The following SRPX variants were observed in gnomAD, a reference collection of about 807,000 sequenced individuals.
SRPX encodes sushi repeat containing protein X-linked.
SRPX carries 24 observed loss-of-function variants against 38.1 expected under a neutral mutation model. The ratio of observed to expected loss-of-function variants is 0.63; its 90% CI spans 0.46 to 0.89. The LOEUF (loss-of-function observed/expected upper bound fraction) is 0.89, where lower values mean the gene tolerates loss of function less well. Ranked by LOEUF, SRPX falls within the 40% of genes least tolerant of loss-of-function variation. The pLI, the probability that SRPX is intolerant of heterozygous loss-of-function variation, is 0.00. For synonymous variants in SRPX, 184 were observed against 153.8 expected, an observed-to-expected ratio of 1.20 and a Z score of -1.45; for missense variants, 416 against 377.8, an observed-to-expected ratio of 1.10 and a Z score of -0.84.
At chrX:38,188,024 G>A (rs957483485) in intron 1 of SRPX, among the ~76,000 whole-genome samples, 9 of 111,673 alleles carry the variant, frequency 8.1e-5, no homozygotes, top group African/African-American at 2.6e-4. Flanking sequence ...ACCCCAAGAT[G>A]AAGGCTCAGA....
At position 38,154,475 on chromosome X, in the gene SRPX, C is replaced by G; in HGVS notation, c.1198G>C (p.Ala400Pro). ...ACTTCCCCCTACCTGAGCTGCAGCG[C>G]TAGGGCTGGAGGCATAATCTTTGCT... ...IGAKIMPPAL[A>P]LQLRLLLRIP... Residue 400 changes from alanine to proline, a missense_variant, in exon 9 of 10, where the codon GCG (alanine) becomes CCG (proline). Transcript: ENST00000378533. 1.7e-6 allele frequency: 2 copies of G among 1,205,044 alleles called. No homozygotes were observed. The highest frequency in any genetic ancestry group is 2.2e-6 in the Non-Finnish European group (2 of 892,115).
At chrX:38,160,743 C>G (rs1226940055) in intron 6 of SRPX, among the ~76,000 whole-genome samples, 190 bp downstream of exon 6, 1 of 111,099 alleles carries the variant, frequency 9.0e-6, no homozygotes, top group Non-Finnish European at 1.9e-5. Flanking sequence ...AACACTGACG[C>G]CCATCCGGAT....
chrX:38,164,397 C>T (rs988237312), intron 5 of SRPX, among the ~76,000 whole-genome samples: 2 of 112,144 alleles, frequency 1.8e-5, no homozygotes, highest in African/African-American at 3.2e-5. Context: ...CCTGCCTCGT[C>T]CTCACAAAGT....
chrX:38,208,329 C>CT (rs1939251870), intron 1 of SRPX, among the ~76,000 whole-genome samples: 1 of 111,616 alleles, frequency 9.0e-6, no homozygotes, highest in African/African-American at 3.3e-5. Context: ...CTCCCAGTGG[C>CT]TACCCCATAA....
intron 4 of SRPX, among the ~76,000 whole-genome samples, chrX:38,169,165 G>A (rs1385379136): frequency 8.9e-6 from 1 of 112,777 alleles, no homozygotes; most frequent in African/African-American, 3.2e-5. Context: ...CAATCAAGTT[G>A]TTTTAACTGA....
At chrX:38,164,445 G>T (rs780957222) in intron 5 of SRPX, among the ~76,000 whole-genome samples, 2 of 112,131 alleles carry the variant, frequency 1.8e-5, no homozygotes, top group South Asian at 7.4e-4. Context: ...ACCCAGCCAA[G>T]ATGTTTTGAT....
chrX:38,159,360 G>A (rs1040315045), intron 7 of SRPX, among the ~76,000 whole-genome samples: 4 of 112,530 alleles, frequency 3.6e-5, no homozygotes, highest in Non-Finnish European at 5.6e-5. Flanking sequence ...AGATGAAAGG[G>A]TGCCAGGAAA....
At chrX:38,150,657 G>A (rs761205384) in intron 9 of SRPX, among the ~76,000 whole-genome samples, 3 of 112,225 alleles carry the variant, frequency 2.7e-5, no homozygotes, top group Middle Eastern at 4.6e-3. Flanking sequence ...GTTCTGGCCT[G>A]TTCAGTGGCC....
At chrX:38,198,188 G>A (rs1271520352) in intron 1 of SRPX, among the ~76,000 whole-genome samples, 1 of 112,058 alleles carries the variant, frequency 8.9e-6, no homozygotes, top group Non-Finnish European at 1.9e-5. Flanking sequence ...AGGTAAGAGA[G>A]AGAAATAATA....
At chrX:38,160,347 C>T (rs1938221410) in intron 6 of SRPX, 151 bp from the exon 7 acceptor site, 2 of 540,860 alleles carry the variant, frequency 3.7e-6, no homozygotes, top group Non-Finnish European at 5.9e-6. Flanking sequence ...ACTATTTGGT[C>T]AGTGAGTGAG....
At chrX:38,171,817 C>T (rs1938474793) in intron 4 of SRPX, 64 bp downstream of exon 4, 2 of 1,116,080 alleles carry the variant, frequency 1.8e-6, no homozygotes, top group Admixed American at 2.3e-5. Flanking sequence ...TTACAATCCA[C>T]GATGTGAACA....
At chrX:38,158,373 AAAT>A (rs1008927721) in intron 7 of SRPX, among the ~76,000 whole-genome samples, 5 of 112,560 alleles carry the variant, frequency 4.4e-5, no homozygotes, top group African/African-American at 1.6e-4. Flanking sequence ...CCCAGAGAAG[AAAT>A]AATAAGAGAA....
intron 1 of SRPX, among the ~76,000 whole-genome samples, chrX:38,195,219 T>G (rs1184438856): frequency 1.8e-5 from 2 of 110,557 alleles, no homozygotes; most frequent in African/African-American, 6.6e-5. Flanking sequence ...ATAAAGAAAA[T>G]AATAGGAATG....
At chrX:38,186,314 A>G (rs1938784659) in intron 1 of SRPX, among the ~76,000 whole-genome samples, 1 of 111,224 alleles carries the variant, frequency 9.0e-6, no homozygotes, top group Non-Finnish European at 1.9e-5. Flanking sequence ...ACACACACAC[A>G]TAACACCCAC....
At chrX:38,208,809 C>T (rs1052448612) in intron 1 of SRPX, among the ~76,000 whole-genome samples, 2 of 107,363 alleles carry the variant, frequency 1.9e-5, no homozygotes, top group Admixed American at 2.0e-4. Context: ...CCCTGAGTAG[C>T]CGGGACTACA....
intron 1 of SRPX, among the ~76,000 whole-genome samples, chrX:38,205,395 C>CT (rs1939190179): frequency 9.0e-6 from 1 of 111,476 alleles, no homozygotes; most frequent in Non-Finnish European, 1.9e-5. Flanking sequence ...AATTAGGTGG[C>CT]TTTTTTTCTT....
rs1292841430 is a variant in SRPX, at chrX:38,154,062, G to A, written c.1211+400C>T. 3.2e-5 allele frequency: 4 copies of A among 123,954 alleles called. No individual in the cohort carries two copies. The East Asian group carries it at 7.1e-4, about 22-fold the overall frequency. The allele number at this position is 123,954 out of a possible 1,213,427, so 10.2% of individuals were successfully genotyped here. On this transcript the variant is annotated intron_variant, in intron 9 of 9. Coordinates refer to ENST00000378533, the MANE Select transcript of SRPX (RefSeq NM_006307.5). ...AATATAATTGTTAAAATAAAGGTAT[G>A]AACAAGTGTTCTGGAAGCATGGAGA...
At chrX:38,172,272 G>A (rs933203530) in intron 3 of SRPX, among the ~76,000 whole-genome samples, 2 of 111,636 alleles carry the variant, frequency 1.8e-5, no homozygotes, top group African/African-American at 6.5e-5. Flanking sequence ...TGACCAACAT[G>A]GAGAAACCCC....
intron 8 of SRPX, among the ~76,000 whole-genome samples, chrX:38,155,893 G>A (rs769787516): frequency 3.0e-4 from 33 of 111,789 alleles, no homozygotes; most frequent in Admixed American, 5.7e-4. Flanking sequence ...AATGAATTTG[G>A]TTCCTATCAA....
Sources: gnomAD v4.1 joint callset for allele counts (sites outside exome capture counted in the v4.1 genomes callset) on GRCh38, gnomAD v4.1.1 for gene constraint, MANE v1.5 for transcripts, NCBI Gene and HGNC (gene_info 2026-07-23, HGNC 2026-07-21) for gene names.